CLCN3: variants seen among roughly 807,000 people sequenced by gnomAD.
CLCN3 encodes the protein Cl-/H+ antiporter 3, also known as H(+)/Cl(-) exchange transporter 3.
A neutral mutation model predicts 83.4 loss-of-function variants in CLCN3; 16 were observed. The ratio of observed to expected loss-of-function variants is 0.19; its 90% CI spans 0.13 to 0.29. The LOEUF is 0.29. Among genes scored for constraint, CLCN3 ranks in the 10% least tolerant of loss-of-function variants. The probability of loss-of-function intolerance (pLI) is 1.00; values close to 1 mark genes in which losing one functional copy is unlikely to be tolerated. For synonymous variants in CLCN3, 322 were observed against 346.2 expected (o/e 0.93, Z 0.78); for missense variants, 544 against 1,006.0 (o/e 0.54, Z 6.21).
chr4:169,707,770 T>G (rs1667141711), intron 11 of CLCN3, among the ~76,000 whole-genome samples: 1 of 152,228 alleles, frequency 6.6e-6, no homozygotes, highest in South Asian at 2.1e-4. Flanking sequence ...TGACAATCAC[T>G]GAGATTTTTA....
At chr4:169,636,631 C>G (rs1241895277) in intron 2 of CLCN3, among the ~76,000 whole-genome samples, 1 of 151,802 alleles carries the variant, frequency 6.6e-6, no homozygotes, top group Non-Finnish European at 1.5e-5. Context: ...TCTATATTGT[C>G]GTGTATAGCA....
chr4:169,656,505 C>T (rs569248751), intron 2 of CLCN3, among the ~76,000 whole-genome samples: 1 of 152,252 alleles, frequency 6.6e-6, no homozygotes, highest in East Asian at 1.9e-4. Flanking sequence ...TCCCTCCAGG[C>T]CCCGCCTCCA....
intron 2 of CLCN3, chr4:169,660,535 G>A: frequency 1.0e-6 from 1 of 952,508 alleles, no homozygotes; most frequent in Non-Finnish European, 1.4e-6. Context: ...GTTCTCGTTT[G>A]TCCTTTAAAT....
At chr4:169,706,789 T>G in intron 10 of CLCN3, 79 bp from the exon 11 acceptor site, 4 of 1,251,258 alleles carry the variant, frequency 3.2e-6, no homozygotes, top group Non-Finnish European at 4.5e-6. Flanking sequence ...TAGTTTTAAC[T>G]GCCTAGTGCA....
intron 3 of CLCN3, chr4:169,680,515 A>T (rs1731895762): frequency 4.4e-6 from 1 of 226,098 alleles, no homozygotes; most frequent in Non-Finnish European, 8.5e-6. Flanking sequence ...CAAGTTCCAG[A>T]TATGGAGGTC....
At chr4:169,654,948 A>G (rs1042491201) in intron 2 of CLCN3, among the ~76,000 whole-genome samples, 18 of 152,100 alleles carry the variant, frequency 1.2e-4, no homozygotes, top group African/African-American at 3.9e-4. Context: ...AAAAATTTTC[A>G]CTGTATTTGC....
At position 169,720,264 on chromosome 4, in the gene CLCN3, C is replaced by G; in HGVS notation, c.*267C>G. On this transcript the variant is annotated 3_prime_UTR_variant, in exon 13 of 13. Coordinates refer to ENST00000513761, the MANE Select transcript of CLCN3 (RefSeq NM_001829.4). ...GCGTATCAACTCCTATTGTTCTGCA[C>G]TGGATGCATTCAGCTGAGGATGTGC... 1 of 530,878 alleles carries G rather than the reference C, an allele frequency of 1.9e-6. No individual in the cohort carries two copies. The highest frequency in any genetic ancestry group is 3.3e-6 in the Non-Finnish European group (1 of 300,498). The allele number at this position is 530,878 out of a possible 1,614,324, so 32.9% of individuals were successfully genotyped here.
At chr4:169,674,131 A>G (rs1258704973) in intron 2 of CLCN3, among the ~76,000 whole-genome samples, 1 of 152,142 alleles carries the variant, frequency 6.6e-6, no homozygotes, top group African/African-American at 2.4e-5. Context: ...CTGGTCTAGG[A>G]GCTAATCCTG....
At chr4:169,675,093 T>C (rs769775868) in intron 2 of CLCN3, among the ~76,000 whole-genome samples, 2 of 152,268 alleles carry the variant, frequency 1.3e-5, no homozygotes, top group Non-Finnish European at 2.9e-5. Flanking sequence ...AAGAACCCTG[T>C]TGGACCTGGT....
intron 3 of CLCN3, among the ~76,000 whole-genome samples, chr4:169,683,023 A>G (rs1732007808): frequency 6.6e-6 from 1 of 152,232 alleles, no homozygotes; most frequent in African/African-American, 2.4e-5. Flanking sequence ...TGCCTAGATC[A>G]GACACACTAT....
At chr4:169,635,274 G>A (rs1234457387) in intron 1 of CLCN3, among the ~76,000 whole-genome samples, 4 of 152,100 alleles carry the variant, frequency 2.6e-5, no homozygotes, top group Non-Finnish European at 5.9e-5. Context: ...TTGGTGTTGA[G>A]TAAGTAAGTG....
In CLCN3 at chr4:169,677,845, T is replaced by C. The variant is rs142769597; in HGVS notation, c.161-2205T>C. On this transcript the variant is annotated intron_variant, in intron 2 of 12. Transcript: ENST00000513761. ...TTGTGGATTTGATTTCCATTTCTTT[T>C]TATGTGTTAGCTTGAGCTTATTTTC... 3.1e-3 allele frequency among the ~76,000 whole-genome samples: 471 copies of C among 152,306 alleles called. 4 individuals carry two copies. The highest frequency in any genetic ancestry group is 7.0e-3 in the Middle Eastern group (2 of 286).
chr4:169,662,452 G>A (rs1485789282), intron 2 of CLCN3, among the ~76,000 whole-genome samples: 3 of 152,102 alleles, frequency 2.0e-5, no homozygotes, highest in Non-Finnish European at 4.4e-5. Flanking sequence ...ATGACCTGTT[G>A]TAGCCATGGG....
chr4:169,624,439 T>C (rs1773180995), intron 1 of CLCN3, among the ~76,000 whole-genome samples: 1 of 152,020 alleles, frequency 6.6e-6, no homozygotes, highest in Non-Finnish European at 1.5e-5. Flanking sequence ...GAGCCAATTT[T>C]TGTATTTTTA....
intron 2 of CLCN3, among the ~76,000 whole-genome samples, chr4:169,655,222 G>A (rs1216023968): frequency 6.6e-6 from 1 of 152,008 alleles, no homozygotes; most frequent in African/African-American, 2.4e-5. Context: ...TGAAACTCTT[G>A]AACTGTATAG....
intron 2 of CLCN3, among the ~76,000 whole-genome samples, chr4:169,666,286 T>G (rs1011794059): frequency 2.0e-4 from 31 of 152,186 alleles, no homozygotes; most frequent in African/African-American, 7.5e-4. Context: ...GTGAGAAACA[T>G]TTCTCCACTT....
chr4:169,681,255 C>T (rs565567473), intron 3 of CLCN3, among the ~76,000 whole-genome samples: 1 of 152,090 alleles, frequency 6.6e-6, no homozygotes, highest in South Asian at 2.1e-4. Flanking sequence ...GCCATGTTGG[C>T]GAGGCTAGTC....
At chr4:169,643,834 C>T (rs969346691) in intron 2 of CLCN3, among the ~76,000 whole-genome samples, 2 of 152,160 alleles carry the variant, frequency 1.3e-5, no homozygotes, top group African/African-American at 4.8e-5. Context: ...GTGGTGAATA[C>T]AAGTTTTCCA....
chr4:169,653,012 A>G (rs1730771073), intron 2 of CLCN3, among the ~76,000 whole-genome samples: 1 of 152,186 alleles, frequency 6.6e-6, no homozygotes, highest in South Asian at 2.1e-4. Context: ...TGTTACAGCT[A>G]TCTTCTATGG....
Sources: allele counts gnomAD v4.1 joint callset (sites outside exome capture counted in the v4.1 genomes callset), GRCh38; gene constraint gnomAD v4.1.1; transcripts MANE v1.5; gene names NCBI Gene and HGNC (gene_info 2026-07-23, HGNC 2026-07-21).